HS3ST4: variants seen among roughly 807,000 people sequenced by gnomAD.
HS3ST4 encodes the protein heparan sulfate glucosamine 3-O-sulfotransferase 4.
In HS3ST4, 17 loss-of-function variants were observed where a neutral mutation model predicts 29.2. The ratio of observed to expected loss-of-function variants is 0.58; its 90% CI spans 0.40 to 0.87. The LOEUF (loss-of-function observed/expected upper bound fraction) is 0.87. Among genes scored for constraint, HS3ST4 ranks in the 40% least tolerant of loss-of-function variants. HS3ST4 has a pLI of 0.00. For synonymous variants in HS3ST4, 314 were observed against 285.7 expected, an observed-to-expected ratio of 1.10 and a Z score of -1.00; for missense variants, 627 against 634.5, an observed-to-expected ratio of 0.99 and a Z score of 0.13.
At chr16:26,061,757 A>T (rs1187911358) in intron 1 of HS3ST4, among the ~76,000 whole-genome samples, 1 of 152,116 alleles carries the variant, frequency 6.6e-6, no homozygotes, top group Non-Finnish European at 1.5e-5. Context: ...TTCTTTATTC[A>T]TCTCAGGGCT....
At chr16:26,051,435 A>AT (rs35905925) in intron 1 of HS3ST4, among the ~76,000 whole-genome samples, 47 of 149,346 alleles carry the variant, frequency 3.1e-4, no homozygotes, top group Admixed American at 1.1e-3. Context: ...GAAACTAATA[A>AT]TTTTTTTTTT....
At chr16:25,874,970 C>T (rs1030283710) in intron 1 of HS3ST4, among the ~76,000 whole-genome samples, 1 of 152,092 alleles carries the variant, frequency 6.6e-6, no homozygotes. Context: ...GAATTAAACA[C>T]AATTGCACAC....
chr16:26,047,348 CAGA>C (rs1162618366), intron 1 of HS3ST4, among the ~76,000 whole-genome samples: 1 of 152,204 alleles, frequency 6.6e-6, no homozygotes, highest in African/African-American at 2.4e-5. Flanking sequence ...CTTGAGGGCC[CAGA>C]AGATTTCGAT....
chr16:25,822,068 G>A (rs551008163), intron 1 of HS3ST4, among the ~76,000 whole-genome samples: 3 of 152,234 alleles, frequency 2.0e-5, no homozygotes, highest in Middle Eastern at 3.4e-3. Flanking sequence ...TCTAGGCCCA[G>A]TCTATTCTTT....
intron 1 of HS3ST4, among the ~76,000 whole-genome samples, chr16:26,020,995 A>G (rs200438566): frequency 2.6e-4 from 40 of 152,360 alleles, no homozygotes; most frequent in African/African-American, 8.9e-4. Context: ...GCATCCATGC[A>G]TATAAGGCCC....
At chr16:25,911,489 T>C (rs1300199604) in intron 1 of HS3ST4, among the ~76,000 whole-genome samples, 1 of 144,690 alleles carries the variant, frequency 6.9e-6, no homozygotes, top group Non-Finnish European at 1.5e-5. Context: ...TGGTGTTCCG[T>C]TGTGTGGTTT....
At chr16:25,700,692 A>G (rs1002965761) in intron 1 of HS3ST4, among the ~76,000 whole-genome samples, 30 of 152,264 alleles carry the variant, frequency 2.0e-4, no homozygotes, top group African/African-American at 7.2e-4. Context: ...CCGTTCAAGT[A>G]ATCTCCTGAT....
chr16:25,729,146 T>A (rs1966555299), intron 1 of HS3ST4, among the ~76,000 whole-genome samples: 1 of 151,996 alleles, frequency 6.6e-6, no homozygotes, highest in South Asian at 2.1e-4. Flanking sequence ...AGAAGGAGTC[T>A]GGATAGATGG....
intron 1 of HS3ST4, among the ~76,000 whole-genome samples, chr16:26,068,234 T>A (rs528799384): frequency 2.4e-4 from 37 of 152,278 alleles, no homozygotes; most frequent in African/African-American, 8.9e-4. Context: ...TTCTAATCAG[T>A]CCACACAGAT....
chr16:25,834,144 T>C (rs1176265889), intron 1 of HS3ST4, among the ~76,000 whole-genome samples: 1 of 152,226 alleles, frequency 6.6e-6, no homozygotes, highest in Non-Finnish European at 1.5e-5. Flanking sequence ...CTGAAGGTGT[T>C]ATTTATTTTA....
At chr16:25,746,153 C>G (rs531446068) in intron 1 of HS3ST4, among the ~76,000 whole-genome samples, 3 of 152,224 alleles carry the variant, frequency 2.0e-5, no homozygotes, top group Admixed American at 2.0e-4. Flanking sequence ...AGGTCAGCAC[C>G]TATTCCTTGC....
intron 1 of HS3ST4, among the ~76,000 whole-genome samples, chr16:25,762,890 A>AG (rs1966797152): frequency 6.7e-6 from 1 of 150,364 alleles, no homozygotes; most frequent in African/African-American, 2.4e-5. Flanking sequence ...AAAAAAAAAA[A>AG]AAAAAAAAAG....
chr16:25,784,835 C>T (rs1312451658), intron 1 of HS3ST4, among the ~76,000 whole-genome samples: 2 of 152,166 alleles, frequency 1.3e-5, no homozygotes, highest in African/African-American at 4.8e-5. Context: ...AACAGATTTT[C>T]AATGTAGATG....
chr16:26,031,302 A>T (rs1298366031), intron 1 of HS3ST4, among the ~76,000 whole-genome samples: 1 of 152,224 alleles, frequency 6.6e-6, no homozygotes, highest in Non-Finnish European at 1.5e-5. Flanking sequence ...AGATGGATAC[A>T]GATCATTCAG....
In HS3ST4 at chr16:25,849,434, T is replaced by C. The variant is rs892988974; in HGVS notation, c.734+156283T>C. 3.9e-5 allele frequency among the ~76,000 whole-genome samples: 6 copies of C among 152,228 alleles called. No homozygotes were observed. The East Asian group carries it at 1.2e-3, about 29-fold the overall frequency. On this transcript the variant is annotated intron_variant, in intron 1 of 1. Coordinates refer to ENST00000331351, the MANE Select transcript of HS3ST4 (RefSeq NM_006040.3). ...TTTGAAATTCTGAATCGTTTTGGTA[T>C]ATTTATTTTGAAGTCCTGTTATTTG...
chr16:25,692,427 T>G lies in HS3ST4; in HGVS notation c.10T>G (p.Trp4Gly). 3 of 1,056,218 alleles carry G rather than the reference T, an allele frequency of 2.8e-6. No homozygotes were observed. The highest frequency in any genetic ancestry group is 3.5e-6 in the Non-Finnish European group (3 of 855,498). 65.4% of individuals were successfully genotyped at this position (1,056,218 alleles called of 1,614,324 possible). A position where few individuals can be genotyped will look rare whatever the true frequency, so the allele number is the denominator to read the frequency against. ...CGAGCCGGGAGCCGCGATGGCCCGGTGGCCCGCACCTCCTCCGCCTCCGCC... is the reference window on the plus strand; with the variant it reads ...CGAGCCGGGAGCCGCGATGGCCCGGGGGCCCGCACCTCCTCCGCCTCCGCC... MAR[W>G]PAPPPPPPPP... Residue 4 changes from tryptophan to glycine, a missense_variant, in exon 1 of 2, where the codon TGG becomes GGG. Trp to Gly is a radical substitution (Grantham distance 184). Transcript: ENST00000331351.
At chr16:25,749,457 T>C (rs931731531) in intron 1 of HS3ST4, among the ~76,000 whole-genome samples, 10 of 151,850 alleles carry the variant, frequency 6.6e-5, no homozygotes, top group African/African-American at 2.4e-4. Flanking sequence ...ATTGCACCAC[T>C]GTATTCCAGC....
At chr16:25,821,057 A>ATTTTTTTT (rs1259738012) in intron 1 of HS3ST4, among the ~76,000 whole-genome samples, 3 of 135,052 alleles carry the variant, frequency 2.2e-5, no homozygotes, top group African/African-American at 8.3e-5. Context: ...GCGCCTTTGA[A>ATTTTTTTT]TTTTTTTTTT....
chr16:25,986,788 G>A (rs563847159), intron 1 of HS3ST4, among the ~76,000 whole-genome samples: 3 of 152,282 alleles, frequency 2.0e-5, no homozygotes, highest in South Asian at 2.1e-4. Context: ...GCATGGTGGC[G>A]CTTGACTCTG....
Sources: allele counts gnomAD v4.1 joint callset (sites outside exome capture counted in the v4.1 genomes callset), GRCh38; gene constraint gnomAD v4.1.1; transcripts MANE v1.5; gene names NCBI Gene and HGNC (gene_info 2026-07-23, HGNC 2026-07-21).